The following PTPRD variants were observed in gnomAD, a reference collection of about 807,000 sequenced individuals.
The protein encoded by PTPRD is receptor-type tyrosine-protein phosphatase delta.
A neutral mutation model predicts 214.5 loss-of-function variants in PTPRD; 34 were observed. That is an observed-to-expected ratio of 0.16 (90% CI 0.12 to 0.21). PTPRD has a LOEUF of 0.21. Ranked by LOEUF, PTPRD falls within the 10% of genes least tolerant of loss-of-function variation. PTPRD has a pLI of 1.00. For missense variants in PTPRD, 2,545 were observed against 2,398.7 expected, an observed-to-expected ratio of 1.06 and a Z score of -1.27; for synonymous variants, 1,128 against 845.7, an observed-to-expected ratio of 1.33 and a Z score of -5.79.
intron 14 of PTPRD, among the ~76,000 whole-genome samples, chr9:8,630,180 A>G (rs1047426064): frequency 1.3e-5 from 2 of 151,962 alleles, no homozygotes; most frequent in African/African-American, 4.8e-5. Flanking sequence ...TAAATGATCC[A>G]CGTGGACGAA....
At chr9:9,477,968 T>A (rs888800242) in intron 8 of PTPRD, among the ~76,000 whole-genome samples, 12 of 152,294 alleles carry the variant, frequency 7.9e-5, no homozygotes, top group African/African-American at 2.9e-4. Context: ...CCACCCAGGA[T>A]TGATAACCAC....
intron 8 of PTPRD, among the ~76,000 whole-genome samples, chr9:9,531,540 TA>T (rs2075462591): frequency 6.6e-6 from 1 of 152,182 alleles, no homozygotes; most frequent in Non-Finnish European, 1.5e-5. Flanking sequence ...GCAAAAATCT[TA>T]CAGAATTATT....
chr9:9,012,750 T>C (rs976197396), intron 11 of PTPRD, among the ~76,000 whole-genome samples: 1 of 152,284 alleles, frequency 6.6e-6, no homozygotes, highest in South Asian at 2.1e-4. Flanking sequence ...CCATCCAGGA[T>C]AAGAAATTGC....
intron 11 of PTPRD, among the ~76,000 whole-genome samples, chr9:8,799,856 TTTTTC>T (rs1420145705): frequency 1.3e-5 from 2 of 151,444 alleles, no homozygotes; most frequent in African/African-American, 4.8e-5. Flanking sequence ...ACACACTTTT[TTTTTC>T]TTTTCAAGTT....
intron 7 of PTPRD, among the ~76,000 whole-genome samples, chr9:9,694,586 G>C (rs560112871): frequency 6.6e-6 from 1 of 152,076 alleles, no homozygotes; most frequent in Non-Finnish European, 1.5e-5. Context: ...CAGAGATGCT[G>C]TCCGGAAGCC....
At chr9:9,685,611 A>G (rs1255180708) in intron 7 of PTPRD, among the ~76,000 whole-genome samples, 1 of 151,360 alleles carries the variant, frequency 6.6e-6, no homozygotes, top group Admixed American at 6.6e-5. Flanking sequence ...TCATTGAATT[A>G]AAGAAACAAG....
At chr9:9,948,491 G>A (rs748434610) in intron 4 of PTPRD, among the ~76,000 whole-genome samples, 1 of 152,062 alleles carries the variant, frequency 6.6e-6, no homozygotes, top group South Asian at 2.1e-4. Context: ...TTTAAAAAAT[G>A]TGAGACATAA....
intron 9 of PTPRD, among the ~76,000 whole-genome samples, chr9:9,364,553 T>C (rs1446046803): frequency 1.3e-5 from 2 of 151,374 alleles, no homozygotes; most frequent in Non-Finnish European, 3.0e-5. Context: ...GAGCATTCTA[T>C]GCAGAAAGAA....
intron 5 of PTPRD, among the ~76,000 whole-genome samples, chr9:9,901,610 A>G (rs2153809265): frequency 6.6e-6 from 1 of 152,232 alleles, no homozygotes; most frequent in African/African-American, 2.4e-5. Flanking sequence ...AATAAAAAAG[A>G]CCAGAGAAAT....
intron 8 of PTPRD, among the ~76,000 whole-genome samples, chr9:9,508,029 T>C (rs1374216311): frequency 6.6e-6 from 1 of 151,566 alleles, no homozygotes; most frequent in African/African-American, 2.4e-5. Flanking sequence ...ATTCTCAATA[T>C]TTAATTGATT....
At chr9:8,551,813 G>A (rs1374060177) in intron 14 of PTPRD, among the ~76,000 whole-genome samples, 2 of 152,158 alleles carry the variant, frequency 1.3e-5, no homozygotes, top group Admixed American at 1.3e-4. Context: ...GAATAAACCT[G>A]CACAGACTTT....
At chr9:10,211,970 T>C (rs2099519464) in intron 3 of PTPRD, among the ~76,000 whole-genome samples, 2 of 152,078 alleles carry the variant, frequency 1.3e-5, no homozygotes, top group South Asian at 4.1e-4. Flanking sequence ...TAAAACAAGA[T>C]ACAGCAGGTC....
chr9:8,614,665 TA>T, intron 14 of PTPRD, among the ~76,000 whole-genome samples: 1 of 152,146 alleles, frequency 6.6e-6, no homozygotes. Flanking sequence ...AGAGGGCATA[TA>T]AGGGATCTGG....
intron 11 of PTPRD, among the ~76,000 whole-genome samples, chr9:8,922,618 T>A (rs1008765411): frequency 1.3e-5 from 2 of 151,898 alleles, no homozygotes; most frequent in African/African-American, 2.4e-5. Context: ...CACTTCCATG[T>A]AGTTTTTTAA....
At chr9:9,506,251 G>A (rs2096567853) in intron 8 of PTPRD, among the ~76,000 whole-genome samples, 2 of 151,200 alleles carry the variant, frequency 1.3e-5, no homozygotes, top group Non-Finnish European at 3.0e-5. Context: ...AACATGATTC[G>A]AAATTTCCCC....
intron 8 of PTPRD, among the ~76,000 whole-genome samples, chr9:9,512,879 A>AC (rs2096742715): frequency 6.6e-6 from 1 of 151,472 alleles, no homozygotes; most frequent in Non-Finnish European, 1.5e-5. Flanking sequence ...TGAAAAAAAA[A>AC]AACACAATAA....
intron 2 of PTPRD, among the ~76,000 whole-genome samples, chr9:10,445,891 G>C (rs1266477859): frequency 2.6e-5 from 4 of 152,088 alleles, no homozygotes. Flanking sequence ...ACACAGAAAA[G>C]ATATGTTGAA....
intron 7 of PTPRD, among the ~76,000 whole-genome samples, chr9:9,634,170 C>G (rs538736241): frequency 6.6e-6 from 1 of 151,992 alleles, no homozygotes; most frequent in Non-Finnish European, 1.5e-5. Context: ...TGCTCCTTAC[C>G]AAATTAACAT....
intron 3 of PTPRD, among the ~76,000 whole-genome samples, chr9:10,313,282 TC>T (rs1160629976): frequency 6.6e-6 from 1 of 151,722 alleles, no homozygotes; most frequent in East Asian, 1.9e-4. Context: ...TATGCACTAT[TC>T]ATATAGGTTG....
Sources: gnomAD v4.1 joint callset for allele counts (sites outside exome capture counted in the v4.1 genomes callset) on GRCh38, gnomAD v4.1.1 for gene constraint, MANE v1.5 for transcripts, NCBI Gene and HGNC (gene_info 2026-07-23, HGNC 2026-07-21) for gene names.